ANK3: variants seen among roughly 807,000 people sequenced by gnomAD.
The protein encoded by ANK3 is ankyrin 3, also known as ankyrin-3.
A neutral mutation model predicts 370.9 loss-of-function variants in ANK3; 57 were observed. The observed-to-expected ratio is 0.15, with a 90% CI of 0.12 to 0.19. The LOEUF (loss-of-function observed/expected upper bound fraction) is 0.19, where lower values mean the gene tolerates loss of function less well. Among genes scored for constraint, ANK3 ranks in the 10% least tolerant of loss-of-function variants. ANK3 has a pLI of 1.00. For missense variants in ANK3, 4,439 were observed against 5,302.1 expected, an observed-to-expected ratio of 0.84 and a Z score of 5.06; for synonymous variants, 1,929 against 1,946.3, an observed-to-expected ratio of 0.99 and a Z score of 0.23.
chr10:60,496,083 C>T (rs1255696499), intron 2 of ANK3, among the ~76,000 whole-genome samples: 4 of 151,448 alleles, frequency 2.6e-5, no homozygotes, highest in Non-Finnish European at 5.9e-5. Context: ...TGATGGAGCT[C>T]AATATGGAAT....
At chr10:60,564,976 C>T (rs2077423547) in intron 2 of ANK3, among the ~76,000 whole-genome samples, 1 of 151,910 alleles carries the variant, frequency 6.6e-6, no homozygotes, top group African/African-American at 2.4e-5. Context: ...TCCAATTTGC[C>T]CCTTAAAAAA....
At position 60,604,563 on chromosome 10, in the gene ANK3, C is replaced by T. The variant is rs531427588; in HGVS notation, c.96+10623G>A. 7.2e-5 allele frequency among the ~76,000 whole-genome samples: 11 copies of T among 152,266 alleles called. No homozygotes were observed. The South Asian group carries it at 1.7e-3, about 23-fold the overall frequency. On this transcript the variant is annotated intron_variant, in intron 2 of 43. Transcript: ENST00000373827. Reference sequence around the variant, plus strand: ...AACTCCTCTCCTGGTTGCATAGCAACGAATCTAAGCAGCAGTTCTAGCCTG... The same window carrying T: ...AACTCCTCTCCTGGTTGCATAGCAATGAATCTAAGCAGCAGTTCTAGCCTG...
chr10:60,465,789 CT>C (rs1205787609), intron 2 of ANK3, among the ~76,000 whole-genome samples: 1,622 of 109,612 alleles, frequency 0.015, 12 homozygotes, highest in African/African-American at 0.036. Context: ...TTTTTTCTTT[CT>C]TTTTTTTTTT....
At chr10:60,440,259 T>C (rs1459465266) in intron 2 of ANK3, among the ~76,000 whole-genome samples, 1 of 152,134 alleles carries the variant, frequency 6.6e-6, no homozygotes, top group African/African-American at 2.4e-5. Flanking sequence ...TGGCCTAGTG[T>C]AGTAGTCCAC....
intron 1 of ANK3, among the ~76,000 whole-genome samples, chr10:60,305,116 C>A (rs2132820794): frequency 6.6e-6 from 1 of 152,268 alleles, no homozygotes; most frequent in East Asian, 1.9e-4. Context: ...CTTCACTATC[C>A]CCATGCCCGG....
At chr10:60,398,501 C>T (rs1041121089) in intron 2 of ANK3, among the ~76,000 whole-genome samples, 1 of 152,068 alleles carries the variant, frequency 6.6e-6, no homozygotes, top group African/African-American at 2.4e-5. Flanking sequence ...TGTATGTATA[C>T]ATGTGTGGAT....
intron 23 of ANK3, chr10:60,139,778 C>CT: frequency 6.5e-6 from 1 of 153,406 alleles, no homozygotes; most frequent in Middle Eastern, 3.2e-3. Context: ...ATAAATTGCT[C>CT]TTTAATTATC....
chr10:60,704,284 C>A (rs1564589939), intron 1 of ANK3, among the ~76,000 whole-genome samples: 1 of 152,270 alleles, frequency 6.6e-6, no homozygotes, highest in South Asian at 2.1e-4. Flanking sequence ...GTTTTTTAAT[C>A]ATTTCACATC....
chr10:60,089,839 A>G (rs1257447843), intron 28 of ANK3, among the ~76,000 whole-genome samples: 2 of 151,992 alleles, frequency 1.3e-5, no homozygotes, highest in African/African-American at 2.4e-5. Flanking sequence ...ACTTTTATAT[A>G]TGTATTATGT....
rs539813797 is a variant in ANK3, at chr10:60,632,937, G to A, written c.58-17713C>T. On this transcript the variant is annotated intron_variant, in intron 1 of 43. Transcript: ENST00000373827. Reference sequence around the variant, plus strand: ...AACCATACTTATTCTTGCTTTGATAGCTGACTTTATTGTAAAAATTAAAGC... The same window carrying A: ...AACCATACTTATTCTTGCTTTGATAACTGACTTTATTGTAAAAATTAAAGC... 8.6e-5 allele frequency among the ~76,000 whole-genome samples: 13 copies of A among 151,840 alleles called. 1 individual carries two copies. Among genetic ancestry groups the A allele is most frequent in the African/African-American group, 2.9e-4 (12 of 41,404 alleles).
At chr10:60,463,485 T>C (rs1028814970) in intron 2 of ANK3, among the ~76,000 whole-genome samples, 1 of 152,136 alleles carries the variant, frequency 6.6e-6, no homozygotes, top group Admixed American at 6.5e-5. Context: ...CATCTTTGGG[T>C]AAAATCACTC....
intron 1 of ANK3, among the ~76,000 whole-genome samples, chr10:60,298,592 A>T (rs1446602201): frequency 6.6e-6 from 1 of 152,150 alleles, no homozygotes; most frequent in Non-Finnish European, 1.5e-5. Flanking sequence ...GATAATTTCA[A>T]ATTCAGTCTG....
At chr10:60,402,201 C>T (rs1051070769) in intron 2 of ANK3, among the ~76,000 whole-genome samples, 32 of 152,024 alleles carry the variant, frequency 2.1e-4, no homozygotes, top group Non-Finnish European at 4.4e-4. Flanking sequence ...GATCATAGAG[C>T]AGTAATATTG....
chr10:60,056,277 T>C (rs914559808), intron 41 of ANK3, among the ~76,000 whole-genome samples: 1 of 152,034 alleles, frequency 6.6e-6, no homozygotes, highest in Non-Finnish European at 1.5e-5. Flanking sequence ...GAGACCAGCC[T>C]GGCCAACGTG....
At chr10:60,246,618 G>C (rs144629770) in intron 7 of ANK3, among the ~76,000 whole-genome samples, 2 of 152,314 alleles carry the variant, frequency 1.3e-5, no homozygotes, top group Non-Finnish European at 2.9e-5. Context: ...TTGGATGTTT[G>C]CTGTTTGTTG....
At chr10:60,703,608 T>C (rs1392039637) in intron 1 of ANK3, among the ~76,000 whole-genome samples, 1 of 152,166 alleles carries the variant, frequency 6.6e-6, no homozygotes, top group Non-Finnish European at 1.5e-5. Context: ...ACAATGATGC[T>C]ACAGAATCTA....
rs143597081 is a variant in ANK3, at chr10:60,074,739, T to C, written c.6142A>G (p.Asn2048Asp). Reference protein sequence around the residue: ...TNDIGSSSLTNLKYKFEDAKK... With the variant: ...TNDIGSSSLTDLKYKFEDAKK... ...GCATCCTCAAACTTGTATTTTAAGT[T>C]TGTCAGTGAACTACTCCCAATATCA... is the stretch of plus-strand genomic sequence containing the variant. Residue 2048 changes from asparagine to aspartate, a missense_variant, in exon 37 of 44, where the codon AAC becomes GAC. By Grantham distance (23) the Asn-to-Asp change is conservative. Transcript: ENST00000280772. 5.6e-6 allele frequency: 9 copies of C among 1,613,988 alleles called. No individual in the cohort carries two copies. Among genetic ancestry groups the C allele is most frequent in the Non-Finnish European group, 7.6e-6 (9 of 1,180,002 alleles).
Position 60,584,969 on chromosome 10 carries a change from C to T in ANK3, c.96+30217G>A, listed in dbSNP as rs561450979. Among the ~76,000 whole-genome samples the T allele has an allele frequency of 3.9e-5, 6 of 152,290 alleles. No individual in the cohort carries two copies. The East Asian group carries it at 9.6e-4, about 24-fold the overall frequency. On this transcript the variant is annotated intron_variant, in intron 2 of 43. Coordinates refer to the ANK3 transcript ENST00000373827. Reference sequence around the variant, plus strand: ...GGCTCTGGACAAACCTCAGCCTCTTCCCATGTTGGCTTCCGATTCCTAAAA... The same window carrying T: ...GGCTCTGGACAAACCTCAGCCTCTTTCCATGTTGGCTTCCGATTCCTAAAA...
In ANK3 at chr10:60,075,713, A is replaced by G. The variant is rs1341296529; in HGVS notation, c.5168T>C (p.Leu1723Pro). 4 of 1,614,090 alleles carry G rather than the reference A, an allele frequency of 2.5e-6. No individual in the cohort carries two copies. The South Asian group carries it at 4.4e-5, about 18-fold the overall frequency. The change falls in exon 37 of 44, where the codon CTA becomes CCA. Residue 1723 changes from leucine to proline, a missense_variant. By Grantham distance (98) the Leu-to-Pro change is moderately conservative. This residue lies in a region of ANK3 where 679 missense variants were observed against 791.0 expected (regional missense o/e 0.86). Transcript: ENST00000280772. ...VALVNGSISP[L>P]KYPSSSTLIN... ...TAAAGTTGAGGATGATGGATATTTT[A>G]GAGGGGAAATAGATCCATTGACTAA...
Sources: allele counts gnomAD v4.1 joint callset (sites outside exome capture counted in the v4.1 genomes callset), GRCh38; gene constraint gnomAD v4.1.1; regional missense constraint gnomAD v4.1.1; transcripts MANE v1.5; gene names NCBI Gene and HGNC (gene_info 2026-07-23, HGNC 2026-07-21).